HRH1: variants seen among roughly 807,000 people sequenced by gnomAD.
HRH1 encodes histamine receptor H1.
A neutral mutation model predicts 10.3 loss-of-function variants in HRH1; 6 were observed. The observed-to-expected ratio is 0.58, with a 90% CI of 0.32 to 1.15. The LOEUF (loss-of-function observed/expected upper bound fraction) is 1.15. Among genes scored for constraint, HRH1 ranks in the 50% most tolerant of loss-of-function variants. The pLI, the probability that HRH1 is intolerant of heterozygous loss-of-function variation, is 0.05. For missense variants in HRH1, 514 were observed against 615.3 expected (o/e 0.84, Z 1.74); for synonymous variants, 242 against 236.7 (o/e 1.02, Z -0.21).
intron 1 of HRH1, among the ~76,000 whole-genome samples, chr3:11,144,120 A>T (rs1936352951): frequency 6.6e-6 from 1 of 152,038 alleles, no homozygotes; most frequent in South Asian, 2.1e-4. Context: ...AATCAGTACA[A>T]CCTCTATGGA....
At position 11,261,774 on chromosome 3, in the gene HRH1, T is replaced by C. The variant is rs1396467036; in HGVS notation, c.*1273T>C. The stretch of plus-strand genomic sequence containing the variant: ...ATTGCTTGAACCCGGGAGGTGGAGG[T>C]TGCCGTGAGCCAAGATCACGCCACT... On this transcript the variant is annotated 3_prime_UTR_variant, in exon 2 of 2. Transcript: ENST00000431010. The C allele has an allele frequency of 6.5e-6, 1 of 154,754 alleles. No individual in the cohort carries two copies. The highest frequency in any genetic ancestry group is 1.5e-5 in the Non-Finnish European group (1 of 68,018). 9.6% of individuals were successfully genotyped at this position (154,754 alleles called of 1,614,324 possible). A position where few individuals can be genotyped will look rare whatever the true frequency, so the allele number is the denominator to read the frequency against.
chr3:11,230,217 C>A (rs114469359), intron 1 of HRH1, among the ~76,000 whole-genome samples: 2 of 152,174 alleles, frequency 1.3e-5, no homozygotes, highest in African/African-American at 4.8e-5. Flanking sequence ...AGTCCCAGGG[C>A]CTGACTCCAG....
At chr3:11,168,039 A>G (rs1321041758) in intron 1 of HRH1, among the ~76,000 whole-genome samples, 1 of 152,126 alleles carries the variant, frequency 6.6e-6, no homozygotes, top group Non-Finnish European at 1.5e-5. Context: ...AGATGAGTGA[A>G]GAGCATGTGG....
At chr3:11,235,106 ATG>A (rs1559280939) in intron 1 of HRH1, among the ~76,000 whole-genome samples, 10 of 151,676 alleles carry the variant, frequency 6.6e-5, no homozygotes, top group African/African-American at 2.2e-4. Context: ...TCCCAGCTAC[ATG>A]GGAGGCTGAG....
intron 1 of HRH1, among the ~76,000 whole-genome samples, chr3:11,155,258 T>G (rs541724456): frequency 2.6e-5 from 4 of 152,152 alleles, no homozygotes; most frequent in Admixed American, 6.5e-5. Context: ...TCCTCCTCGT[T>G]GTACCGAGAG....
At chr3:11,171,123 CT>C (rs200795325) in intron 1 of HRH1, among the ~76,000 whole-genome samples, 188 of 142,050 alleles carry the variant, frequency 1.3e-3, no homozygotes, top group Admixed American at 2.2e-3. Flanking sequence ...TTTTTCTTTT[CT>C]TTTTTTTTTT....
rs868632705 is a variant in HRH1, at chr3:11,173,442, G to A, written c.-36+18888G>A. 2.6e-5 allele frequency among the ~76,000 whole-genome samples: 4 copies of A among 151,198 alleles called. No individual in the cohort carries two copies. The East Asian group carries it at 5.8e-4, about 22-fold the overall frequency. On this transcript the variant is annotated intron_variant, in intron 1 of 1. Coordinates refer to ENST00000431010, the MANE Select transcript of HRH1 (RefSeq NM_001098212.2). ...TTTTGAGATGGAGTCTCGCTCTGTC[G>A]CCCAGGCTGGAGTGCAGTGGCATGA...
intron 1 of HRH1, among the ~76,000 whole-genome samples, chr3:11,258,554 T>C (rs1939845875): frequency 6.6e-6 from 1 of 152,182 alleles, no homozygotes; most frequent in South Asian, 2.1e-4. Flanking sequence ...GACATCCTCA[T>C]CCTATTCCTT....
chr3:11,250,922 A>G (rs1441738768), intron 1 of HRH1, among the ~76,000 whole-genome samples: 1 of 152,174 alleles, frequency 6.6e-6, no homozygotes, highest in Non-Finnish European at 1.5e-5. Context: ...ACGCATCCAT[A>G]AACTCTGAGG....
chr3:11,218,447 CA>C lies in HRH1; in HGVS notation c.-35-40536del, dbSNP rs1026039560. ...TAGGCAACAGAGTGAGACTCCATCT[CA>C]AAAAAAAAAAAAAAAAAAATTAAAA... is the stretch of plus-strand genomic sequence containing the variant. On this transcript the variant is annotated intron_variant, in intron 1 of 1. Coordinates refer to ENST00000431010, the MANE Select transcript of HRH1 (RefSeq NM_001098212.2). Among the ~76,000 whole-genome samples, 523 of 53,984 alleles carry C rather than the reference CA, an allele frequency of 9.7e-3. 2 individuals are homozygous for C. The highest frequency in any genetic ancestry group is 0.019 in the African/African-American group (276 of 14,362). 35.4% of individuals were successfully genotyped at this position (53,984 alleles called of 152,430 possible). A position where few individuals can be genotyped will look rare whatever the true frequency, so the allele number is the denominator to read the frequency against.
intron 1 of HRH1, among the ~76,000 whole-genome samples, chr3:11,201,838 C>T (rs1937922649): frequency 6.6e-6 from 1 of 152,180 alleles, no homozygotes; most frequent in Non-Finnish European, 1.5e-5. Flanking sequence ...CTGTGAAGTC[C>T]AGGCTATTGT....
chr3:11,182,586 C>T (rs1186294958), intron 1 of HRH1, among the ~76,000 whole-genome samples: 5 of 152,180 alleles, frequency 3.3e-5, no homozygotes, highest in African/African-American at 9.7e-5. Flanking sequence ...CAGTGGTTCT[C>T]AGCACATCTG....
chr3:11,196,112 C>A (rs1937640293), intron 1 of HRH1, among the ~76,000 whole-genome samples: 1 of 152,188 alleles, frequency 6.6e-6, no homozygotes, highest in East Asian at 1.9e-4. Context: ...ATTCCCTCCT[C>A]CCTCTTAAAG....
intron 1 of HRH1, among the ~76,000 whole-genome samples, chr3:11,225,085 G>A (rs1009673100): frequency 5.3e-5 from 8 of 152,130 alleles, no homozygotes; most frequent in Non-Finnish European, 1.0e-4. Flanking sequence ...CAGGAAAGGG[G>A]GAGCAGGGCC....
At chr3:11,165,975 C>T (rs938539757) in intron 1 of HRH1, among the ~76,000 whole-genome samples, 2 of 152,090 alleles carry the variant, frequency 1.3e-5, no homozygotes, top group Non-Finnish European at 2.9e-5. Flanking sequence ...TTTGTCGTTT[C>T]GTTTGCTCCC....
Position 11,259,117 on chromosome 3 carries a change from T to G in HRH1, c.80T>G (p.Leu27Arg). 6.2e-7 allele frequency: 1 copy of G among 1,614,178 alleles called. No individual in the cohort carries two copies. The highest frequency in any genetic ancestry group is 8.5e-7 in the Non-Finnish European group (1 of 1,180,020). ...AAGACCACTATGGCCAGCCCCCAGC[T>G]GATGCCCCTGGTGGTGGTCCTGAGC... ...GNKTTMASPQ[L>R]MPLVVVLSTI... Residue 27 changes from leucine to arginine, a missense_variant, in exon 2 of 2, where the codon CTG (leucine) becomes CGG (arginine). By Grantham distance (102) the Leu-to-Arg change is moderately radical. Transcript: ENST00000431010. This position sits in a 1 kb window ranked among gnomAD's most constrained non-coding sequence, Gnocchi z 4.6.
chr3:11,137,862 A>G (rs951087317), intron 1 of HRH1, among the ~76,000 whole-genome samples: 3 of 151,552 alleles, frequency 2.0e-5, no homozygotes, highest in Non-Finnish European at 4.4e-5. Context: ...TTATGGCGGG[A>G]GAGTATCTGG....
intron 1 of HRH1, among the ~76,000 whole-genome samples, chr3:11,211,180 A>G (rs1938314865): frequency 1.3e-5 from 2 of 152,196 alleles, no homozygotes; most frequent in South Asian, 4.1e-4. Context: ...TGGGGAAGAG[A>G]GTCATTTAGA....
At chr3:11,172,091 C>G (rs924529510) in intron 1 of HRH1, among the ~76,000 whole-genome samples, 15 of 152,230 alleles carry the variant, frequency 9.9e-5, no homozygotes, top group Non-Finnish European at 5.9e-5. Flanking sequence ...AAAATGATGA[C>G]ACAGTCTCCC....
Sources: allele counts gnomAD v4.1 joint callset (sites outside exome capture counted in the v4.1 genomes callset), GRCh38; gene constraint gnomAD v4.1.1; non-coding constraint Gnocchi (gnomAD v3.1); transcripts MANE v1.5; gene names NCBI Gene and HGNC (gene_info 2026-07-23, HGNC 2026-07-21).